CACNA1C: variants seen among roughly 807,000 people sequenced by gnomAD.
CACNA1C encodes voltage-dependent L-type calcium channel subunit alpha-1C.
A neutral mutation model predicts 229.0 loss-of-function variants in CACNA1C; 30 were observed. The ratio of observed to expected loss-of-function variants is 0.13; its 90% confidence interval spans 0.10 to 0.18. The LOEUF (loss-of-function observed/expected upper bound fraction) is 0.18. CACNA1C is among the 10% of genes least tolerant of loss of function. The pLI, the probability that CACNA1C is intolerant of heterozygous loss-of-function variation, is 1.00. For synonymous variants in CACNA1C, 1,114 were observed against 1,132.5 expected (o/e 0.98, Z 0.33); for missense variants, 1,658 against 2,845.0 (o/e 0.58, Z 9.49).
chr12:2,465,271 A>G (rs963686173), intron 5 of CACNA1C, among the ~76,000 whole-genome samples: 3 of 152,248 alleles, frequency 2.0e-5, no homozygotes, highest in African/African-American at 7.2e-5. Context: ...AGAGTTAAAT[A>G]GCAGTTTGAG....
chr12:2,121,009 C>G (rs956733623), intron 3 of CACNA1C, among the ~76,000 whole-genome samples: 1 of 152,070 alleles, frequency 6.6e-6, no homozygotes, highest in Non-Finnish European at 1.5e-5. Context: ...AGAATTGGTC[C>G]ATGGAAAAAG....
At chr12:2,000,974 T>C (rs1024837556) in intron 1 of CACNA1C, among the ~76,000 whole-genome samples, 1 of 151,642 alleles carries the variant, frequency 6.6e-6, no homozygotes, top group African/African-American at 2.4e-5. Flanking sequence ...GAGGCAGAGG[T>C]TGCAGTGAGC....
intron 4 of CACNA1C, among the ~76,000 whole-genome samples, chr12:2,450,571 A>C (rs1466531302): frequency 1.3e-5 from 2 of 149,456 alleles, no homozygotes; most frequent in Non-Finnish European, 3.0e-5. Flanking sequence ...AAAAAAAAAA[A>C]AAAAAAACGC....
chr12:2,183,293 A>C (rs1427570258), intron 3 of CACNA1C, among the ~76,000 whole-genome samples: 4 of 151,876 alleles, frequency 2.6e-5, no homozygotes, highest in Non-Finnish European at 5.9e-5. Context: ...CTGACCTTGT[A>C]GGAGAACAGA....
At chr12:2,032,434 A>G (rs2048392076) in intron 1 of CACNA1C, among the ~76,000 whole-genome samples, 1 of 152,194 alleles carries the variant, frequency 6.6e-6, no homozygotes, top group Non-Finnish European at 1.5e-5. Context: ...TGCTCTTGAA[A>G]AGGATTGTTA....
chr12:2,307,350 C>T, intron 3 of CACNA1C, among the ~76,000 whole-genome samples: 1 of 152,180 alleles, frequency 6.6e-6, no homozygotes, highest in South Asian at 2.1e-4. Context: ...AGTTTAACCT[C>T]CTTTATTTAA....
intron 3 of CACNA1C, among the ~76,000 whole-genome samples, chr12:2,200,783 G>A (rs552392036): frequency 1.8e-3 from 272 of 152,264 alleles, no homozygotes; most frequent in African/African-American, 6.4e-3. Flanking sequence ...ATATGAGCTG[G>A]GACCCCTCCA....
chr12:2,376,702 C>A (rs2098081680), intron 3 of CACNA1C, among the ~76,000 whole-genome samples: 1 of 152,146 alleles, frequency 6.6e-6, no homozygotes, highest in Non-Finnish European at 1.5e-5. Context: ...GGCAAGACCA[C>A]CCCAAGAACC....
intron 7 of CACNA1C, among the ~76,000 whole-genome samples, chr12:2,499,941 TC>T (rs913357176): frequency 6.6e-6 from 1 of 151,702 alleles, no homozygotes; most frequent in African/African-American, 2.4e-5. Flanking sequence ...TACTCAGCTG[TC>T]CCCCCAAAGT....
intron 9 of CACNA1C, among the ~76,000 whole-genome samples, chr12:2,529,129 A>G (rs117993773): frequency 0.016 from 2,389 of 152,390 alleles, 25 homozygotes; most frequent in South Asian, 0.031. Context: ...AAAATCAACT[A>G]GAAACCAGTG....
chr12:2,604,639 CCTT>C (rs1440672776), intron 22 of CACNA1C, among the ~76,000 whole-genome samples: 1 of 152,184 alleles, frequency 6.6e-6, no homozygotes, highest in Non-Finnish European at 1.5e-5. Flanking sequence ...CTTGCAAAGA[CCTT>C]CTGAGCTGAT....
intron 9 of CACNA1C, among the ~76,000 whole-genome samples, chr12:2,526,583 A>C (rs2099818846): frequency 6.6e-6 from 1 of 152,302 alleles, no homozygotes; most frequent in East Asian, 1.9e-4. Flanking sequence ...CTCCTCCTGC[A>C]CCCAGTTTGA....
Position 2,575,465 on chromosome 12 carries a change from C to G in CACNA1C, c.1896-6125C>G, listed in dbSNP as rs2058057525. Among the ~76,000 whole-genome samples the G allele has an allele frequency of 6.6e-6, 1 of 152,186 alleles. No individual in the cohort carries two copies. The highest frequency in any genetic ancestry group is 2.1e-4 in the South Asian group (1 of 4,812). On this transcript the variant is annotated intron_variant, in intron 13 of 46. Coordinates refer to ENST00000399655, the MANE Select transcript of CACNA1C (RefSeq NM_000719.7). This position sits in a 1 kb window ranked among gnomAD's most constrained non-coding sequence, Gnocchi z 4.0. ...GGAAGCTCTGCTCTGAGGACACCCC[C>G]TCCTGTGCTCACTTGCTGGATGGAT...
At chr12:2,683,833 G>C (rs887372937) in intron 43 of CACNA1C, among the ~76,000 whole-genome samples, 2 of 152,346 alleles carry the variant, frequency 1.3e-5, no homozygotes, top group Non-Finnish European at 2.9e-5. Context: ...ACAGTGAAGC[G>C]TGGCCAGGCA....
chr12:2,055,809 T>C (rs985096252), intron 1 of CACNA1C, among the ~76,000 whole-genome samples: 3 of 152,198 alleles, frequency 2.0e-5, no homozygotes, highest in African/African-American at 7.2e-5. Context: ...CCAAGATCCC[T>C]GTCTCCCCTC....
intron 3 of CACNA1C, among the ~76,000 whole-genome samples, chr12:2,378,514 A>T (rs371909400): frequency 3.3e-5 from 5 of 152,346 alleles, no homozygotes; most frequent in African/African-American, 1.2e-4. Flanking sequence ...TACGGGGTGT[A>T]CCAAGCACAG....
At chr12:2,120,176 A>G (rs2085927217) in intron 2 of CACNA1C, 149 bp from the exon 3 acceptor site, 2 of 656,882 alleles carry the variant, frequency 3.0e-6, no homozygotes, top group African/African-American at 1.8e-5. Flanking sequence ...TTAAAAAGGC[A>G]TATGTTTCTT....
At chr12:2,232,227 G>GTTTTTTTTTTTTTTTTTTTTTTTTTTTT (rs1169407536) in intron 3 of CACNA1C, among the ~76,000 whole-genome samples, 21 of 73,566 alleles carry the variant, frequency 2.9e-4, no homozygotes, top group East Asian at 5.1e-4. Flanking sequence ...GTCTTTCCTT[G>GTTTTTTTTTTTTTTTTTTTTTTTTTTTT]TTTTTTTTTT....
At chr12:2,491,044 A>G (rs1006905534) in intron 6 of CACNA1C, among the ~76,000 whole-genome samples, 2 of 152,244 alleles carry the variant, frequency 1.3e-5, no homozygotes, top group African/African-American at 4.8e-5. Flanking sequence ...CTGCTCAGCA[A>G]TAAAGAGGAA....
Sources: allele counts gnomAD v4.1 joint callset (sites outside exome capture counted in the v4.1 genomes callset), GRCh38; gene constraint gnomAD v4.1.1; non-coding constraint Gnocchi (gnomAD v3.1); transcripts MANE v1.5; gene names NCBI Gene and HGNC (gene_info 2026-07-23, HGNC 2026-07-21).